The following CELF4 variants were observed in gnomAD, a reference collection of about 807,000 sequenced individuals.
CELF4 encodes CUG-BP- and ETR-3-like factor 4.
A neutral mutation model predicts 59.9 loss-of-function variants in CELF4; 18 were observed. The observed-to-expected ratio is 0.30, with a 90% confidence interval of 0.21 to 0.45. The LOEUF (loss-of-function observed/expected upper bound fraction) is 0.45. CELF4 is among the 20% of genes least tolerant of loss of function. The pLI is 1.00. For missense variants in CELF4, 456 were observed against 689.0 expected (o/e 0.66, Z 3.79); for synonymous variants, 261 against 267.1 (o/e 0.98, Z 0.22).
chr18:37,485,465 C>A (rs1603642401), intron 2 of CELF4, 60 bp downstream of exon 2: 2 of 1,116,112 alleles, frequency 1.8e-6, no homozygotes. Flanking sequence ...GCCGCCCGGC[C>A]TCCCGAAGTC....
At chr18:37,400,009 T>C (rs1281656591) in intron 2 of CELF4, among the ~76,000 whole-genome samples, 1 of 152,214 alleles carries the variant, frequency 6.6e-6, no homozygotes, top group African/African-American at 2.4e-5. Flanking sequence ...TTTTATGTAT[T>C]ACCTTGGCTA....
intron 2 of CELF4, among the ~76,000 whole-genome samples, chr18:37,456,915 A>G (rs1188274626): frequency 1.3e-5 from 2 of 152,150 alleles, no homozygotes; most frequent in Non-Finnish European, 2.9e-5. Flanking sequence ...TTAGAGATTC[A>G]GCCTTCATTC....
intron 2 of CELF4, among the ~76,000 whole-genome samples, chr18:37,397,809 C>T (rs1396249790): frequency 2.6e-5 from 4 of 152,174 alleles, no homozygotes; most frequent in Non-Finnish European, 5.9e-5. Flanking sequence ...AGCTGGGGCT[C>T]GAACCCAAAT....
chr18:37,305,617 C>T (rs1015566924), intron 3 of CELF4: 4 of 152,310 alleles, frequency 2.6e-5, no homozygotes, highest in Admixed American at 2.6e-4. Context: ...AGTCAGATGG[C>T]CTGAGAATCA....
At chr18:37,397,669 T>C (rs1469920149) in intron 2 of CELF4, among the ~76,000 whole-genome samples, 2 of 152,246 alleles carry the variant, frequency 1.3e-5, no homozygotes, top group African/African-American at 4.8e-5. Flanking sequence ...AAACCATGCC[T>C]GACGGATGAC....
intron 2 of CELF4, among the ~76,000 whole-genome samples, chr18:37,403,405 G>T (rs1032767380): frequency 6.6e-6 from 1 of 152,152 alleles, no homozygotes; most frequent in African/African-American, 2.4e-5. Context: ...CACCCTCCAT[G>T]GAGGCGAGGC....
At chr18:37,546,129 C>T (rs747593104) in intron 1 of CELF4, among the ~76,000 whole-genome samples, 6 of 152,204 alleles carry the variant, frequency 3.9e-5, no homozygotes, top group Non-Finnish European at 8.8e-5. Flanking sequence ...GGACTCATCT[C>T]TTCTGTTTTT....
chr18:37,516,220 C>T (rs1361861349), intron 1 of CELF4, among the ~76,000 whole-genome samples: 1 of 152,200 alleles, frequency 6.6e-6, no homozygotes, highest in Non-Finnish European at 1.5e-5. Flanking sequence ...CAGGCCTCCT[C>T]CCTGCTCCCT....
intron 2 of CELF4, among the ~76,000 whole-genome samples, chr18:37,479,817 T>C (rs1030330865): frequency 6.6e-6 from 1 of 151,996 alleles, no homozygotes; most frequent in African/African-American, 2.4e-5. Context: ...TGAAATAGGG[T>C]CTTTGCAGAT....
intron 2 of CELF4, among the ~76,000 whole-genome samples, chr18:37,346,134 T>C (rs1255143218): frequency 3.3e-5 from 5 of 152,228 alleles, no homozygotes; most frequent in African/African-American, 1.2e-4. Context: ...CCTCCTTCTA[T>C]GTCTGCTGGA....
At chr18:37,357,611 C>T (rs1266088401) in intron 2 of CELF4, among the ~76,000 whole-genome samples, 1 of 152,200 alleles carries the variant, frequency 6.6e-6, no homozygotes, top group Non-Finnish European at 1.5e-5. Context: ...AGGCCACTAT[C>T]TTCCAGACCC....
intron 1 of CELF4, among the ~76,000 whole-genome samples, chr18:37,542,709 C>T (rs1207470110): frequency 5.3e-5 from 8 of 152,162 alleles, no homozygotes; most frequent in Non-Finnish European, 7.3e-5. Context: ...CAATTCCTCT[C>T]TTATTATTAT....
In CELF4 at chr18:37,527,137, G is replaced by A. The variant is rs1038241109; in HGVS notation, c.286+38219C>T. ...CCTTTGCAAGAATATAAGCTAAATC[G>A]CCTGCAAATGAGCACAATGATCAAG... On this transcript the variant is annotated intron_variant, in intron 1 of 12. Transcript: ENST00000420428. Among the ~76,000 whole-genome samples, 10 of 151,756 alleles carry A rather than the reference G, an allele frequency of 6.6e-5. 1 individual carries two copies. In the South Asian group the frequency reaches 1.5e-3, roughly 22 times the overall value.
intron 2 of CELF4, among the ~76,000 whole-genome samples, chr18:37,336,425 C>T (rs1325400496): frequency 6.6e-6 from 1 of 152,166 alleles, no homozygotes; most frequent in Non-Finnish European, 1.5e-5. Context: ...CTCAAGCAAT[C>T]CTCCCACCTT....
rs749792682 is a variant in CELF4 at position 37,565,688 on chromosome 18, GCTCCTCTCT to G, written c.-56_-48del. 3.4e-4 allele frequency: 495 copies of G among 1,459,692 alleles called. No homozygotes were observed. Among genetic ancestry groups the G allele is most frequent in the Middle Eastern group, 1.1e-3 (6 of 5,406 alleles). 90.4% of individuals were successfully genotyped at this position (1,459,692 alleles called of 1,614,324 possible). A position where few individuals can be genotyped will look rare whatever the true frequency, so the allele number is the denominator to read the frequency against. On this transcript the variant is annotated 5_prime_UTR_variant, in exon 1 of 13. Transcript: ENST00000420428. Reference sequence around the variant, plus strand: ...TATTCTTTCTCGCTCACACTCTCTCGCTCCTCTCTCTCGCTCGCTCGCGCTCACACACGC... The same window carrying G: ...TATTCTTTCTCGCTCACACTCTCTCGCTCGCTCGCTCGCGCTCACACACGC...
At chr18:37,424,269 C>T (rs1248271870) in intron 2 of CELF4, among the ~76,000 whole-genome samples, 1 of 152,072 alleles carries the variant, frequency 6.6e-6, no homozygotes, top group Non-Finnish European at 1.5e-5. Context: ...CCCTGAATGA[C>T]AAGATCTCTA....
chr18:37,368,827 T>C (rs927596918), intron 2 of CELF4, among the ~76,000 whole-genome samples: 3 of 152,184 alleles, frequency 2.0e-5, no homozygotes, highest in African/African-American at 7.2e-5. Flanking sequence ...ACCTGTACAG[T>C]CTGTGCCTGT....
intron 2 of CELF4, among the ~76,000 whole-genome samples, chr18:37,444,617 TACACACACACAC>T (rs61248144): frequency 4.5e-4 from 60 of 134,252 alleles, no homozygotes; most frequent in African/African-American, 7.8e-4. Context: ...CTAGCATGCA[TACACACACACAC>T]ACACACACAC....
At chr18:37,380,432 T>C (rs1030861311) in intron 2 of CELF4, among the ~76,000 whole-genome samples, 2 of 152,218 alleles carry the variant, frequency 1.3e-5, no homozygotes, top group South Asian at 4.1e-4. Context: ...CTCTGTACTC[T>C]GGCCTCTGGT....
Sources: allele counts gnomAD v4.1 joint callset (sites outside exome capture counted in the v4.1 genomes callset), GRCh38; gene constraint gnomAD v4.1.1; transcripts MANE v1.5; gene names NCBI Gene and HGNC (gene_info 2026-07-23, HGNC 2026-07-21).